FOXP4: variants seen among roughly 807,000 people sequenced by gnomAD.
FOXP4 encodes the protein forkhead box protein P4.
In FOXP4, 25 loss-of-function variants were observed where a neutral mutation model predicts 82.6. The ratio of observed to expected loss-of-function variants is 0.30; its 90% CI spans 0.22 to 0.42. The LOEUF (loss-of-function observed/expected upper bound fraction) is 0.42, where lower values mean the gene tolerates loss of function less well. FOXP4 is among the 10% of genes least tolerant of loss of function. The pLI is 1.00. For missense variants in FOXP4, 785 were observed against 900.9 expected (o/e 0.87, Z 1.65); for synonymous variants, 415 against 388.2 (o/e 1.07, Z -0.81).
chr6:41,561,612 A>C (rs1193501284), intron 1 of FOXP4, among the ~76,000 whole-genome samples: 1 of 151,968 alleles, frequency 6.6e-6, no homozygotes, highest in Non-Finnish European at 1.5e-5. Flanking sequence ...GTGTGTAGAG[A>C]AGAAAGGAGG....
chr6:41,591,154 G>A lies in FOXP4; in HGVS notation c.1435-67G>A. Reference sequence around the variant, plus strand: ...GGCAGAAGGGAGAGGTACTGGGGGAGGGAACCCAGGGCTGTGACCCTTCGA... The same window carrying A: ...GGCAGAAGGGAGAGGTACTGGGGGAAGGAACCCAGGGCTGTGACCCTTCGA... On this transcript the variant is annotated intron_variant, in intron 12 of 16. Coordinates refer to ENST00000307972, the MANE Select transcript of FOXP4 (RefSeq NM_001012426.2). The surrounding 1 kb of genome is among the most constrained non-coding windows in gnomAD (Gnocchi z 4.2). 7.5e-7 allele frequency: 1 copy of A among 1,338,672 alleles called. No homozygotes were observed. 82.9% of individuals were successfully genotyped at this position (1,338,672 alleles called of 1,614,324 possible).
rs1767071038 is a variant in FOXP4 at position 41,599,147 on chromosome 6, G to C, written c.*211G>C. ...CCCCAGGGACACAACCCCTGGTCTTGGACCAGTAGAGGACACGGAGGGTTC... is the reference window on the plus strand; with the variant it reads ...CCCCAGGGACACAACCCCTGGTCTTCGACCAGTAGAGGACACGGAGGGTTC... On this transcript the variant is annotated 3_prime_UTR_variant, in exon 17 of 17. Transcript: ENST00000307972. The C allele has an allele frequency of 3.3e-6, 2 of 612,406 alleles. No individual in the cohort carries two copies. Among genetic ancestry groups the C allele is most frequent in the Middle Eastern group, 4.6e-4 (1 of 2,158 alleles). 37.9% of individuals were successfully genotyped at this position (612,406 alleles called of 1,614,324 possible). A position where few individuals can be genotyped will look rare whatever the true frequency, so the allele number is the denominator to read the frequency against.
intron 2 of FOXP4, among the ~76,000 whole-genome samples, chr6:41,568,668 G>A (rs1267701513): frequency 6.7e-6 from 1 of 148,256 alleles, no homozygotes; most frequent in African/African-American, 2.4e-5. Context: ...TGGACCACAC[G>A]CTGGTCCCAT....
intron 2 of FOXP4, among the ~76,000 whole-genome samples, chr6:41,567,530 A>G (rs912887822): frequency 6.6e-6 from 1 of 152,224 alleles, no homozygotes; most frequent in African/African-American, 2.4e-5. Context: ...ACACCCCACC[A>G]GAAATCTCCA....
At chr6:41,588,336 C>A (rs949965639) in intron 8 of FOXP4, among the ~76,000 whole-genome samples, 3 of 152,240 alleles carry the variant, frequency 2.0e-5, no homozygotes, top group Admixed American at 2.0e-4. Context: ...ATTAACTCCG[C>A]TGTCTCCCAG....
At chr6:41,551,221 C>T (rs939707937) in intron 1 of FOXP4, among the ~76,000 whole-genome samples, 1 of 152,228 alleles carries the variant, frequency 6.6e-6, no homozygotes, top group South Asian at 2.1e-4. Context: ...AACAAGAGCT[C>T]CTGGCACAAA....
chr6:41,590,305 C>T lies in FOXP4; in HGVS notation c.1392C>T (p.Ala464=), dbSNP rs34992960. Residue 464 remains alanine (A), a synonymous_variant, in exon 12 of 17, where the codon GCC becomes GCT. Coordinates refer to ENST00000307972, the MANE Select transcript of FOXP4 (RefSeq NM_001012426.2). ...LAQNHEFYKN[A]DVRPPFTYAS... ...AGAATCATGAGTTCTACAAGAACGC[C>T]GACGTCCGGCCCCCCTTCACCTACG... 4,764 of 1,613,978 alleles carry T rather than the reference C, an allele frequency of 3.0e-3. 94 individuals carry two copies. In the African/African-American group the frequency reaches 0.05, roughly 17 times the overall value.
chr6:41,561,977 G>A (rs895643561), intron 1 of FOXP4, among the ~76,000 whole-genome samples: 1 of 152,188 alleles, frequency 6.6e-6, no homozygotes, highest in African/African-American at 2.4e-5. Context: ...AGTTACAGGG[G>A]ACTGATAATC....
rs1295742152 is a variant in FOXP4 at position 41,546,850 on chromosome 6, A to G, written c.-34A>G. On this transcript the variant is annotated 5_prime_UTR_variant, in exon 1 of 17. Coordinates refer to ENST00000307972, the MANE Select transcript of FOXP4 (RefSeq NM_001012426.2). ...GGCTGACGGGCCGGAGCCCGCACGG[A>G]GCGGCCGGGCGGGACAGGTAGGTGG... is the stretch of plus-strand genomic sequence containing the variant. 4 of 146,462 alleles carry G rather than the reference A, an allele frequency of 2.7e-5. No individual in the cohort carries two copies. Among genetic ancestry groups the G allele is most frequent in the African/African-American group, 5.0e-5 (2 of 39,904 alleles). The allele number at this position is 146,462 out of a possible 1,614,324, so 9.1% of individuals were successfully genotyped here. A position where few individuals can be genotyped will look rare whatever the true frequency, so the allele number is the denominator to read the frequency against.
intron 1 of FOXP4, among the ~76,000 whole-genome samples, chr6:41,551,857 G>GT (rs1368808928): frequency 6.6e-6 from 1 of 152,210 alleles, no homozygotes; most frequent in African/African-American, 2.4e-5. Context: ...CGCCTACTGT[G>GT]TGCTGGAGGC....
rs1332497312 is a variant in FOXP4, at chr6:41,593,623, G to A, written c.1537-1247G>A. 2.6e-5 allele frequency among the ~76,000 whole-genome samples: 4 copies of A among 152,198 alleles called. No homozygotes were observed. Among genetic ancestry groups the A allele is most frequent in the African/African-American group, 7.2e-5 (3 of 41,432 alleles). On this transcript the variant is annotated intron_variant, in intron 13 of 16. Transcript: ENST00000307972. This position sits in a 1 kb window ranked among gnomAD's most constrained non-coding sequence, Gnocchi z 4.1. ...GCGGAGGATCGGAGCCCCGTAATGC[G>A]GGCAAATTTATTCCGAGGCAGGAGC...
At chr6:41,578,269 C>T (rs1215956117) in intron 3 of FOXP4, among the ~76,000 whole-genome samples, 188 bp downstream of exon 3, 2 of 152,220 alleles carry the variant, frequency 1.3e-5, no homozygotes, top group East Asian at 3.8e-4. Flanking sequence ...CTCGTCTCCA[C>T]CTGATCAGCC....
At chr6:41,595,023 C>G (rs960680175) in intron 14 of FOXP4, 32 bp downstream of exon 14, 3 of 1,613,328 alleles carry the variant, frequency 1.9e-6, no homozygotes, top group Non-Finnish European at 2.5e-6. Flanking sequence ...TGGGCTGTAC[C>G]TGCCCAGGGG....
intron 8 of FOXP4, among the ~76,000 whole-genome samples, 172 bp downstream of exon 8, chr6:41,588,069 A>T (rs1561799437): frequency 6.7e-6 from 1 of 150,326 alleles, no homozygotes; most frequent in Non-Finnish European, 1.5e-5. Context: ...CTGATCACCC[A>T]CTCCCTACCC....
chr6:41,548,164 TG>T (rs932785830), intron 1 of FOXP4, among the ~76,000 whole-genome samples: 6 of 152,250 alleles, frequency 3.9e-5, no homozygotes, highest in Admixed American at 2.6e-4. Flanking sequence ...CCCTCCCGGC[TG>T]GTTTCCTCGC....
At chr6:41,561,660 G>A (rs1252077873) in intron 1 of FOXP4, among the ~76,000 whole-genome samples, 1 of 118,918 alleles carries the variant, frequency 8.4e-6, no homozygotes. Flanking sequence ...AGAGGAAGCA[G>A]CTCAGATCTA....
chr6:41,568,052 CATGGGCT>C (rs1436898201), intron 2 of FOXP4, among the ~76,000 whole-genome samples: 1 of 152,204 alleles, frequency 6.6e-6, no homozygotes, highest in South Asian at 2.1e-4. Flanking sequence ...TGAAATAGTC[CATGGGCT>C]ATTCCTCTGC....
chr6:41,550,903 A>C (rs1763959716), intron 1 of FOXP4, among the ~76,000 whole-genome samples: 1 of 152,144 alleles, frequency 6.6e-6, no homozygotes, highest in South Asian at 2.1e-4. Flanking sequence ...CCTAGCCTAC[A>C]CGTCCTTATG....
rs533030540 is a variant in FOXP4, at chr6:41,591,850, T to C, written c.1536+528T>C. On this transcript the variant is annotated intron_variant, in intron 13 of 16. Transcript: ENST00000307972. This position sits in a 1 kb window ranked among gnomAD's most constrained non-coding sequence, Gnocchi z 4.2. ...CTGCCATCCCTGGCAGGAAGATAAT[T>C]GTCTCCATCCAATTAGTCATTTCAA... Among the ~76,000 whole-genome samples, 2 of 152,290 alleles carry C rather than the reference T, an allele frequency of 1.3e-5. No individual in the cohort carries two copies. Among genetic ancestry groups the C allele is most frequent in the South Asian group, 4.1e-4 (2 of 4,828 alleles).
Sources: gnomAD v4.1 joint callset for allele counts (sites outside exome capture counted in the v4.1 genomes callset) on GRCh38, gnomAD v4.1.1 for gene constraint, Gnocchi (gnomAD v3.1) non-coding constraint, MANE v1.5 for transcripts, NCBI Gene and HGNC (gene_info 2026-07-23, HGNC 2026-07-21) for gene names.